The following OR2AJ1 variants were observed in gnomAD, a reference collection of about 807,000 sequenced individuals.
OR2AJ1 encodes the protein olfactory receptor family 2 subfamily AJ member 1.
For synonymous variants in OR2AJ1, 105 were observed against 60.3 expected, an observed-to-expected ratio of 1.74 and a Z score of -3.44; for missense variants, 280 against 163.2, an observed-to-expected ratio of 1.72 and a Z score of -3.90.
At position 247,934,603 on chromosome 1, in the gene OR2AJ1, A is replaced by G; in HGVS notation, c.835A>G (p.Thr279Ala). 2 of 717,996 alleles carry G rather than the reference A, an allele frequency of 2.8e-6. No individual in the cohort carries two copies. The highest frequency in any genetic ancestry group is 1.5e-5 in the South Asian group (1 of 67,596). The allele number at this position is 717,996 out of a possible 1,614,324, so 44.5% of individuals were successfully genotyped here. The change falls in exon 2 of 2, where the codon ACG becomes GCG. Residue 279 changes from threonine (T) to alanine (A), a missense_variant. Thr to Ala is a moderately conservative substitution (Grantham distance 58). Transcript: ENST00000318244. Reference protein sequence around the residue: ...GQDKFLAIFYTILTPTLNPFI... With the variant: ...GQDKFLAIFYAILTPTLNPFI... ...GGATAAGTTCCTGGCAATATTCTAT[A>G]CGATCCTCACACCCACACTCAACCC...
chr1:247,925,033 C>G lies in OR2AJ1; in HGVS notation c.-158C>G, dbSNP rs1406003799. 2 of 152,268 alleles carry G rather than the reference C, an allele frequency of 1.3e-5. No homozygotes were observed. The highest frequency in any genetic ancestry group is 2.9e-5 in the Non-Finnish European group (2 of 68,106). 9.4% of individuals were successfully genotyped at this position (152,268 alleles called of 1,614,324 possible). On this transcript the variant is annotated 5_prime_UTR_variant, in exon 1 of 2. Transcript: ENST00000318244. ...TCACCCAATGCCTCTGAGTCACTCT[C>G]AAGGACATGACATTGAAACAAACAT...
intron 1 of OR2AJ1, among the ~76,000 whole-genome samples, chr1:247,929,218 G>A (rs561807588): frequency 6.6e-6 from 1 of 152,160 alleles, no homozygotes; most frequent in East Asian, 1.9e-4. Flanking sequence ...GCGCATGTGG[G>A]TGAGGAAGCC....
chr1:247,927,201 A>G (rs1200283581), intron 1 of OR2AJ1, among the ~76,000 whole-genome samples: 1 of 152,172 alleles, frequency 6.6e-6, no homozygotes, highest in Non-Finnish European at 1.5e-5. Context: ...CACACAAAAG[A>G]CATTTCCCTA....
At chr1:247,931,103 A>G (rs1449840833) in intron 1 of OR2AJ1, among the ~76,000 whole-genome samples, 1 of 152,234 alleles carries the variant, frequency 6.6e-6, no homozygotes, top group East Asian at 1.9e-4. Context: ...AGAGCCACAA[A>G]GCTGAAAAAC....
rs80338561 is a variant in OR2AJ1, at chr1:247,934,620, A to G, written c.852A>G (p.Thr284=). The change falls in exon 2 of 2, where the codon ACA becomes ACG. Residue 284 remains threonine (T), a synonymous_variant. Coordinates refer to ENST00000318244, the MANE Select transcript of OR2AJ1 (RefSeq NM_001355235.2). ...TATTCTATACGATCCTCACACCCAC[A>G]CTCAACCCTTTCATCTACAGCTTTA... ...LAIFYTILTP[T]LNPFIYSFRN... is the part of the protein sequence containing the mutation. The G allele has an allele frequency of 0.011, 7,991 of 717,734 alleles. 414 individuals are homozygous for G. The African/African-American group carries it at 0.12, about 11-fold the overall frequency. 44.5% of individuals were successfully genotyped at this position (717,734 alleles called of 1,614,324 possible).
chr1:247,932,296 A>G (rs1157801534), intron 1 of OR2AJ1, among the ~76,000 whole-genome samples: 1 of 152,194 alleles, frequency 6.6e-6, no homozygotes, highest in Admixed American at 6.5e-5. Flanking sequence ...AGATCACACC[A>G]CTACACTCCA....
At position 247,934,942 on chromosome 1, in the gene OR2AJ1, T is replaced by C; in HGVS notation, c.*187T>C. Reference sequence around the variant, plus strand: ...GTACCAATTATAATCATGCAACAGTTACAGGAAGTAGAAGTTACCCAAGGC... The same window carrying C: ...GTACCAATTATAATCATGCAACAGTCACAGGAAGTAGAAGTTACCCAAGGC... On this transcript the variant is annotated 3_prime_UTR_variant, in exon 2 of 2. Transcript: ENST00000318244. 1.9e-6 allele frequency: 1 copy of C among 512,984 alleles called. No homozygotes were observed. Among genetic ancestry groups the C allele is most frequent in the Non-Finnish European group, 3.4e-6 (1 of 293,842 alleles). 31.8% of individuals were successfully genotyped at this position (512,984 alleles called of 1,614,324 possible). A position where few individuals can be genotyped will look rare whatever the true frequency, so the allele number is the denominator to read the frequency against.
At chr1:247,933,250 C>G (rs1029254247) in intron 1 of OR2AJ1, among the ~76,000 whole-genome samples, 1 of 152,104 alleles carries the variant, frequency 6.6e-6, no homozygotes, top group African/African-American at 2.4e-5. Flanking sequence ...ACAAGGATCT[C>G]TCATTGTGAA....
intron 1 of OR2AJ1, 55 bp from the exon 2 acceptor site, chr1:247,933,692 A>C (rs1026233927): frequency 3.1e-5 from 17 of 542,198 alleles, no homozygotes; most frequent in Middle Eastern, 4.9e-4. Context: ...TTATTGTTAG[A>C]TTAAGATTTA....
In OR2AJ1 at chr1:247,935,322, T is replaced by G. The variant is rs1660206126; in HGVS notation, c.*567T>G. 1 of 152,146 alleles carries G rather than the reference T, an allele frequency of 6.6e-6. No homozygotes were observed. Among genetic ancestry groups the G allele is most frequent in the Non-Finnish European group, 1.5e-5 (1 of 68,022 alleles). The allele number at this position is 152,146 out of a possible 1,614,324, so 9.4% of individuals were successfully genotyped here. On this transcript the variant is annotated 3_prime_UTR_variant, in exon 2 of 2. Transcript: ENST00000318244. The stretch of plus-strand genomic sequence containing the variant: ...AGGAATATCATAAAAATTGCCTTAT[T>G]TCATTTATACATACAGGATGATGTT...
At chr1:247,927,340 G>A (rs1660103304) in intron 1 of OR2AJ1, among the ~76,000 whole-genome samples, 1 of 152,078 alleles carries the variant, frequency 6.6e-6, no homozygotes, top group Admixed American at 6.6e-5. Context: ...CAGAGACCTG[G>A]TCAGTAGGGA....
At chr1:247,931,314 A>G (rs11204566) in intron 1 of OR2AJ1, among the ~76,000 whole-genome samples, 99,942 of 152,018 alleles carry the variant, frequency 0.66, 34,392 homozygotes, top group Non-Finnish European at 0.77. Context: ...GGTGACACGT[A>G]TTTTCTCCAC....
chr1:247,926,806 A>G lies in OR2AJ1; in HGVS notation c.-23+1638A>G, dbSNP rs549471411. 5.4e-4 allele frequency among the ~76,000 whole-genome samples: 83 copies of G among 152,328 alleles called. 1 individual carries two copies. The South Asian group carries it at 0.016, about 29-fold the overall frequency. ...TTTTAATCTCTTGATTGCTCCCAAC[A>G]TTAGTTAAATGTGGCTACACTGAGA... is the stretch of plus-strand genomic sequence containing the variant. On this transcript the variant is annotated intron_variant, in intron 1 of 1. Transcript: ENST00000318244.
rs2103007633 is a variant in OR2AJ1 at position 247,934,376 on chromosome 1, C to T, written c.608C>T (p.Ala203Val). ...TRYERGVCVSAVIFLLIPFSL... is the reference protein window; with the variant it reads ...TRYERGVCVSVVIFLLIPFSL... ...TATGAACGAGGGGTTTGTGTAAGTG[C>T]TGTGATCTTCCTGCTGATCCCTTTC... The change falls in exon 2 of 2, where the codon GCT (alanine) becomes GTT (valine). Residue 203 changes from alanine (A) to valine (V), a missense_variant. Transcript: ENST00000318244. 1 of 720,474 alleles carries T rather than the reference C, an allele frequency of 1.4e-6. No homozygotes were observed. The highest frequency in any genetic ancestry group is 1.5e-5 in the South Asian group (1 of 67,800). The allele number at this position is 720,474 out of a possible 1,614,324, so 44.6% of individuals were successfully genotyped here.
At chr1:247,929,286 A>G (rs554448308) in intron 1 of OR2AJ1, among the ~76,000 whole-genome samples, 1 of 152,150 alleles carries the variant, frequency 6.6e-6, no homozygotes, top group South Asian at 2.1e-4. Context: ...TAATGAGTCA[A>G]TTTTCTGGAC....
At chr1:247,925,289 A>T (rs1660078370) in intron 1 of OR2AJ1, 121 bp downstream of exon 1, 2 of 152,260 alleles carry the variant, frequency 1.3e-5, no homozygotes, top group South Asian at 4.1e-4. Flanking sequence ...CCTCATCAGG[A>T]AGGAGCAGAC....
chr1:247,926,615 T>C (rs942113715), intron 1 of OR2AJ1, among the ~76,000 whole-genome samples: 8 of 152,206 alleles, frequency 5.3e-5, no homozygotes, highest in Non-Finnish European at 1.2e-4. Flanking sequence ...TCTACTGCAG[T>C]CTCAATGGTC....
Position 247,924,893 on chromosome 1 carries a change from C to T in OR2AJ1, c.-298C>T, listed in dbSNP as rs1264072820. On this transcript the variant is annotated 5_prime_UTR_variant, in exon 1 of 2. Coordinates refer to ENST00000318244, the MANE Select transcript of OR2AJ1 (RefSeq NM_001355235.2). Reference sequence around the variant, plus strand: ...TTTCTCTCCCACAAGCCACATGCTACAGGACTTCCAACTGGGAAGTTGTCT... The same window carrying T: ...TTTCTCTCCCACAAGCCACATGCTATAGGACTTCCAACTGGGAAGTTGTCT... 2.0e-5 allele frequency: 3 copies of T among 152,260 alleles called. No homozygotes were observed. The highest frequency in any genetic ancestry group is 1.3e-4 in the Admixed American group (2 of 15,288). 9.4% of individuals were successfully genotyped at this position (152,260 alleles called of 1,614,324 possible).
At position 247,934,033 on chromosome 1, in the gene OR2AJ1, A is replaced by C; in HGVS notation, c.265A>C (p.Ser89Arg). 2.8e-6 allele frequency: 2 copies of C among 717,618 alleles called. No homozygotes were observed. The allele number at this position is 717,618 out of a possible 1,614,324, so 44.5% of individuals were successfully genotyped here. A position where few individuals can be genotyped will look rare whatever the true frequency, so the allele number is the denominator to read the frequency against. The change falls in exon 2 of 2, where the codon AGC (serine) becomes CGC (arginine). Residue 89 changes from serine to arginine, a missense_variant. Coordinates refer to ENST00000318244, the MANE Select transcript of OR2AJ1 (RefSeq NM_001355235.2). ...AATGGTCACTAACTTTCTGTCAGGC[A>C]GCAGAACTATTTCATTTGCAGGTTG... ...PKMVTNFLSG[S>R]RTISFAGCGF...
Sources: allele counts gnomAD v4.1 joint callset (sites outside exome capture counted in the v4.1 genomes callset), GRCh38; gene constraint gnomAD v4.1.1; transcripts MANE v1.5; gene names NCBI Gene and HGNC (gene_info 2026-07-23, HGNC 2026-07-21).